ARRDC3: variants seen among roughly 807,000 people sequenced by gnomAD.
ARRDC3 encodes the protein arrestin domain containing 3.
ARRDC3 carries 10 observed loss-of-function variants against 47.2 expected under a neutral mutation model. That is an observed-to-expected ratio of 0.21 (90% CI 0.13 to 0.36). ARRDC3 has a LOEUF of 0.36. Among genes scored for constraint, ARRDC3 ranks in the 10% least tolerant of loss-of-function variants. ARRDC3 has a pLI of 1.00. For missense variants in ARRDC3, 381 were observed against 503.6 expected (o/e 0.76, Z 2.33); for synonymous variants, 156 against 178.3 (o/e 0.87, Z 1.00).
At position 91,378,790 on chromosome 5, in the gene ARRDC3, A is replaced by G; in HGVS notation, c.281-15T>C. 1 of 1,518,976 alleles carries G rather than the reference A, an allele frequency of 6.6e-7. No individual in the cohort carries two copies. The highest frequency in any genetic ancestry group is 9.0e-7 in the Non-Finnish European group (1 of 1,114,628). The allele number at this position is 1,518,976 out of a possible 1,614,324, so 94.1% of individuals were successfully genotyped here. ...ATTATCATCATCTAAAACAAACATA[A>G]AAAGAAAACAAAGAATTTATTATTC... On this transcript the variant is annotated splice_polypyrimidine_tract_variant and intron_variant, in intron 1 of 7. Coordinates refer to ENST00000265138, the MANE Select transcript of ARRDC3 (RefSeq NM_020801.4).
At chr5:91,379,880 A>T (rs1328646770) in intron 1 of ARRDC3, 2 of 152,184 alleles carry the variant, frequency 1.3e-5, no homozygotes, top group African/African-American at 4.8e-5. Context: ...ATACGTCGAT[A>T]CTTTCATTTA....
chr5:91,376,565 A>G lies in ARRDC3; in HGVS notation c.510+56T>C, dbSNP rs1799307580. 2.1e-6 allele frequency: 3 copies of G among 1,444,598 alleles called. No homozygotes were observed. The African/African-American group carries it at 4.3e-5, about 21-fold the overall frequency. The allele number at this position is 1,444,598 out of a possible 1,614,324, so 89.5% of individuals were successfully genotyped here. ...AACTGCATAGTTTAGGTGATTGATTATTCTTTAATATTTATATGCCAAAAA... is the reference window on the plus strand; with the variant it reads ...AACTGCATAGTTTAGGTGATTGATTGTTCTTTAATATTTATATGCCAAAAA... On this transcript the variant is annotated intron_variant, in intron 3 of 7. Coordinates refer to ENST00000265138, the MANE Select transcript of ARRDC3 (RefSeq NM_020801.4).
At chr5:91,381,245 T>C (rs1799451521) in intron 1 of ARRDC3, among the ~76,000 whole-genome samples, 1 of 152,224 alleles carries the variant, frequency 6.6e-6, no homozygotes, top group Non-Finnish European at 1.5e-5. Context: ...TAGTTTTCTT[T>C]ACCACGAAAT....
At chr5:91,375,442 C>A in intron 4 of ARRDC3, 69 bp downstream of exon 4, 2 of 1,049,212 alleles carry the variant, frequency 1.9e-6, no homozygotes, top group South Asian at 1.5e-5. Flanking sequence ...ATTTAGTAGT[C>A]ATATTATAAA....
intron 1 of ARRDC3, chr5:91,381,068 A>C (rs1022778317): frequency 2.0e-5 from 3 of 151,674 alleles, no homozygotes; most frequent in African/African-American, 7.2e-5. Flanking sequence ...TCGCCTTAGC[A>C]ACAGGCTAAC....
At chr5:91,382,180 T>C (rs1799471069) in intron 1 of ARRDC3, among the ~76,000 whole-genome samples, 1 of 152,160 alleles carries the variant, frequency 6.6e-6, no homozygotes. Flanking sequence ...TCGATACCTA[T>C]CATAATGACA....
chr5:91,378,413 A>T (rs1347437378), intron 2 of ARRDC3, among the ~76,000 whole-genome samples: 1 of 152,096 alleles, frequency 6.6e-6, no homozygotes, highest in Non-Finnish European at 1.5e-5. Context: ...TTCGACTAGC[A>T]ACTTCCAATT....
chr5:91,378,423 T>C (rs1364186523), intron 2 of ARRDC3, among the ~76,000 whole-genome samples: 2 of 152,056 alleles, frequency 1.3e-5, no homozygotes, highest in Non-Finnish European at 2.9e-5. Context: ...AACTTCCAAT[T>C]CACTCATGTT....
rs1174454879 is a variant in ARRDC3 at position 91,382,913 on chromosome 5, A to G, written c.180T>C (p.Thr60=). 64 of 1,614,044 alleles carry G rather than the reference A, an allele frequency of 4.0e-5. No homozygotes were observed. Among genetic ancestry groups the G allele is most frequent in the Non-Finnish European group, 4.0e-5 (47 of 1,180,030 alleles). ...TATTGGAGCCGGCGTTTCTAGATTC[A>G]GTCCAGCGTACTTTCGCATGTCCTC... ...HARGHAKVRW[T]ESRNAGSNTA... Residue 60 remains threonine, a synonymous_variant, in exon 1 of 8, where the codon ACT becomes ACC. Transcript: ENST00000265138.
chr5:91,377,571 A>AT (rs35213327), intron 2 of ARRDC3, among the ~76,000 whole-genome samples: 36,951 of 145,478 alleles, frequency 0.25, 5,458 homozygotes, highest in Admixed American at 0.36. Flanking sequence ...TGTTTTCATA[A>AT]TTTTTTTTTT....
chr5:91,375,645 G>A (rs1799283749), intron 3 of ARRDC3, 32 bp from the exon 4 acceptor site: 2 of 1,461,708 alleles, frequency 1.4e-6, no homozygotes, highest in Non-Finnish European at 1.9e-6. Flanking sequence ...AAAAAGGTCA[G>A]TGTATGGATT....
In ARRDC3 at chr5:91,373,768, A is replaced by G; in HGVS notation, c.1104T>C (p.Cys368=). The G allele has an allele frequency of 6.2e-7, 1 of 1,614,130 alleles. No homozygotes were observed. The highest frequency in any genetic ancestry group is 8.5e-7 in the Non-Finnish European group (1 of 1,179,972). Residue 368 remains cysteine, a synonymous_variant, in exon 7 of 8, where the codon TGT becomes TGC. Transcript: ENST00000265138. ...RRNNLAPVSA[C]DDFERALQGP... ...CTTGAAGGGCTCTCTCAAAGTCATCACAAGCACTCACTGGTGCAAGATTGT... is the reference window on the plus strand; with the variant it reads ...CTTGAAGGGCTCTCTCAAAGTCATCGCAAGCACTCACTGGTGCAAGATTGT...
In ARRDC3 at chr5:91,380,316, G is replaced by C. The variant is rs561403450; in HGVS notation, c.281-1541C>G. The C allele has an allele frequency of 1.7e-3, 265 of 153,062 alleles. 1 individual carries two copies. The highest frequency in any genetic ancestry group is 6.1e-3 in the African/African-American group (255 of 41,534). 9.5% of individuals were successfully genotyped at this position (153,062 alleles called of 1,614,324 possible). ...CCCGCGCAACCTAGCCTGCTGGCCG[G>C]GGGGCGGGGCGAGCGAGCCGCGGCG... is the stretch of plus-strand genomic sequence containing the variant. On this transcript the variant is annotated intron_variant, in intron 1 of 7. Coordinates refer to ENST00000265138, the MANE Select transcript of ARRDC3 (RefSeq NM_020801.4).
At chr5:91,381,513 T>A (rs1338123721) in intron 1 of ARRDC3, among the ~76,000 whole-genome samples, 2 of 152,248 alleles carry the variant, frequency 1.3e-5, no homozygotes, top group African/African-American at 4.8e-5. Context: ...GCAAAGTACC[T>A]GTATCTAACT....
intron 2 of ARRDC3, among the ~76,000 whole-genome samples, chr5:91,378,041 T>A (rs773528769): frequency 6.6e-6 from 1 of 152,058 alleles, no homozygotes; most frequent in Non-Finnish European, 1.5e-5. Context: ...TATCATCTCT[T>A]CCAACAATCT....
chr5:91,373,998 T>G, intron 6 of ARRDC3, 116 bp downstream of exon 6: 1 of 1,423,044 alleles, frequency 7.0e-7, no homozygotes, highest in Non-Finnish European at 9.6e-7. Flanking sequence ...TAGGGGCACA[T>G]CTACTTTCTT....
rs1799130845 is a variant in ARRDC3, at chr5:91,369,942, G to C, written c.*1458C>G. The C allele has an allele frequency of 6.6e-6, 1 of 152,066 alleles. No homozygotes were observed. 9.4% of individuals were successfully genotyped at this position (152,066 alleles called of 1,614,324 possible). A position where few individuals can be genotyped will look rare whatever the true frequency, so the allele number is the denominator to read the frequency against. ...ATAATCAAAGTGAGTGATTTCTCATGTTTAGCAAATTGTTCTTTAGGTAAT... is the reference window on the plus strand; with the variant it reads ...ATAATCAAAGTGAGTGATTTCTCATCTTTAGCAAATTGTTCTTTAGGTAAT... On this transcript the variant is annotated 3_prime_UTR_variant, in exon 8 of 8. Coordinates refer to ENST00000265138, the MANE Select transcript of ARRDC3 (RefSeq NM_020801.4).
At chr5:91,378,500 T>G (rs184439042) in intron 2 of ARRDC3, among the ~76,000 whole-genome samples, 194 bp downstream of exon 2, 1 of 152,254 alleles carries the variant, frequency 6.6e-6, no homozygotes, top group Non-Finnish European at 1.5e-5. Flanking sequence ...AAATTGAGTA[T>G]GCTTTCTATA....
intron 1 of ARRDC3, among the ~76,000 whole-genome samples, chr5:91,379,292 T>A (rs377542573): frequency 2.0e-3 from 218 of 107,588 alleles, no homozygotes; most frequent in Non-Finnish European, 2.4e-3. Context: ...ATAGACGGAG[T>A]AAAAAAAAAA....
Sources: allele counts gnomAD v4.1 joint callset (sites outside exome capture counted in the v4.1 genomes callset), GRCh38; gene constraint gnomAD v4.1.1; transcripts MANE v1.5; gene names NCBI Gene and HGNC (gene_info 2026-07-23, HGNC 2026-07-21).